The following ABCA8 variants were observed in gnomAD, a reference collection of about 807,000 sequenced individuals.
ABCA8 encodes ABC-type organic anion transporter ABCA8.
ABCA8 carries 177 observed loss-of-function variants against 192.3 expected under a neutral mutation model. That is an observed-to-expected ratio of 0.92 (90% CI 0.81 to 1.04). The LOEUF is 1.04. Ranked by LOEUF, ABCA8 falls within the 50% of genes least tolerant of loss-of-function variation. ABCA8 has a pLI of 0.00. For synonymous variants in ABCA8, 642 were observed against 690.2 expected (o/e 0.93, Z 1.09); for missense variants, 1,915 against 1,904.8 (o/e 1.01, Z -0.10).
intron 13 of ABCA8, 35 bp from the exon 14 acceptor site, chr17:68,919,511 C>G: frequency 6.5e-7 from 1 of 1,537,818 alleles, no homozygotes. Flanking sequence ...CAAGATAAGG[C>G]TTAAGATATT....
At position 68,942,630 on chromosome 17, in the gene ABCA8, C is replaced by T. The variant is rs912432940; in HGVS notation, c.-5-591G>A. 3.9e-5 allele frequency among the ~76,000 whole-genome samples: 6 copies of T among 152,210 alleles called. No homozygotes were observed. The South Asian group carries it at 1.2e-3, about 32-fold the overall frequency. On this transcript the variant is annotated intron_variant, in intron 2 of 39. Coordinates refer to ENST00000586539, the MANE Select transcript of ABCA8 (RefSeq NM_001288985.2). Reference sequence around the variant, plus strand: ...TCTGTTTCCTTTGGCCGTCCTGTTGCAAAAGGAGTGCACTCTAGTACTGGT... The same window carrying T: ...TCTGTTTCCTTTGGCCGTCCTGTTGTAAAAGGAGTGCACTCTAGTACTGGT...
rs753473636 is a variant in ABCA8, at chr17:68,887,141, C to G, written c.3316-11G>C. The G allele has an allele frequency of 4.5e-6, 7 of 1,560,404 alleles. No individual in the cohort carries two copies. Among genetic ancestry groups the G allele is most frequent in the Non-Finnish European group, 6.1e-6 (7 of 1,144,276 alleles). On this transcript the variant is annotated splice_polypyrimidine_tract_variant and intron_variant, in intron 25 of 39. Transcript: ENST00000586539. ...AACAGCACATGGGATCTAAAATCAA[C>G]AGGAATGTGAAGCTTAGTTAAATAC...
At chr17:68,947,288 T>G (rs898805901) in intron 2 of ABCA8, among the ~76,000 whole-genome samples, 9 of 152,346 alleles carry the variant, frequency 5.9e-5, no homozygotes, top group South Asian at 2.1e-4. Flanking sequence ...TGATGTTTTC[T>G]CTCATGTTTT....
intron 2 of ABCA8, among the ~76,000 whole-genome samples, chr17:68,942,800 C>T (rs1489337073): frequency 1.3e-5 from 2 of 152,096 alleles, no homozygotes; most frequent in African/African-American, 4.8e-5. Context: ...GCTCTCAGTC[C>T]ATCTTTATAG....
intron 37 of ABCA8, among the ~76,000 whole-genome samples, chr17:68,871,463 C>G (rs982481309): frequency 6.6e-6 from 1 of 152,168 alleles, no homozygotes; most frequent in Non-Finnish European, 1.5e-5. Flanking sequence ...GAGGTGATAT[C>G]TTATTGTGGT....
chr17:68,906,255 C>G, intron 18 of ABCA8, 92 bp from the exon 19 acceptor site: 1 of 974,002 alleles, frequency 1.0e-6, no homozygotes. Flanking sequence ...ATCTATGAAA[C>G]TATACTTGTG....
chr17:68,890,407 A>T (rs2066594798), intron 24 of ABCA8, among the ~76,000 whole-genome samples: 1 of 152,230 alleles, frequency 6.6e-6, no homozygotes, highest in Non-Finnish European at 1.5e-5. Flanking sequence ...TCTATTACAG[A>T]GGAATGAGAG....
chr17:68,914,185 A>T (rs1175906125), intron 17 of ABCA8, among the ~76,000 whole-genome samples: 1 of 152,166 alleles, frequency 6.6e-6, no homozygotes, highest in Non-Finnish European at 1.5e-5. Context: ...GCAAACCTAC[A>T]GATAGTATCA....
chr17:68,877,948 A>G, intron 32 of ABCA8: 1 of 343,962 alleles, frequency 2.9e-6, no homozygotes, highest in Non-Finnish European at 5.2e-6. Flanking sequence ...AACAGTTTAT[A>G]TCCATTTTTT....
At position 68,887,921 on chromosome 17, in the gene ABCA8, T is replaced by TGG. The variant is rs377680815; in HGVS notation, c.3145-416_3145-415insCC. Among the ~76,000 whole-genome samples the TGG allele has an allele frequency of 2.2e-3, 57 of 25,858 alleles. 2 individuals are homozygous for TGG. Among genetic ancestry groups the TGG allele is most frequent in the East Asian group, 0.014 (1 of 74 alleles). The allele number at this position is 25,858 out of a possible 152,430, so 17.0% of individuals were successfully genotyped here. ...ATATATATATATCCATATATATATA[T>TGG]ATATTATATATGGATATATATATTA... On this transcript the variant is annotated intron_variant, in intron 24 of 39. Coordinates refer to ENST00000586539, the MANE Select transcript of ABCA8 (RefSeq NM_001288985.2).
At position 68,921,371 on chromosome 17, in the gene ABCA8, C is replaced by T. The variant is rs2067528869; in HGVS notation, c.1612+11G>A. The T allele has an allele frequency of 6.4e-7, 1 of 1,573,766 alleles. No individual in the cohort carries two copies. Among genetic ancestry groups the T allele is most frequent in the Non-Finnish European group, 8.6e-7 (1 of 1,157,622 alleles). ...ATAATTTAAAAAAAAAGAAAACAAA[C>T]TAGTTTGTACCTTTGGTGGGAACAG... On this transcript the variant is annotated intron_variant, in intron 13 of 39. Transcript: ENST00000586539.
At position 68,933,187 on chromosome 17, in the gene ABCA8, A is replaced by G. The variant is rs752314845; in HGVS notation, c.551T>C (p.Ile184Thr). The part of the protein sequence containing the change: ...KEGFVALQAA[I>T]NAAIIEITTN... Reference sequence around the variant, plus strand: ...ACTCACTTCTATAATAGCAGCATTAATGGCAGCTTGAAGAGCCACAAAACC... The same window carrying G: ...ACTCACTTCTATAATAGCAGCATTAGTGGCAGCTTGAAGAGCCACAAAACC... Residue 184 changes from isoleucine (I) to threonine (T), a missense_variant, in exon 6 of 40, where the codon ATT becomes ACT. Coordinates refer to ENST00000586539, the MANE Select transcript of ABCA8 (RefSeq NM_001288985.2). The G allele has an allele frequency of 1.2e-6, 2 of 1,611,846 alleles. No homozygotes were observed. Among genetic ancestry groups the G allele is most frequent in the South Asian group, 2.2e-5 (2 of 90,972 alleles).
At chr17:68,868,387 A>C (rs1252498454) in intron 38 of ABCA8, 31 bp from the exon 39 acceptor site, 5 of 1,563,298 alleles carry the variant, frequency 3.2e-6, no homozygotes, top group Non-Finnish European at 8.8e-7. Flanking sequence ...ATTAGTTCAT[A>C]TATTTCATAT....
At chr17:68,894,398 G>T in intron 22 of ABCA8, 88 bp from the exon 23 acceptor site, 2 of 1,205,600 alleles carry the variant, frequency 1.7e-6, no homozygotes, top group Non-Finnish European at 2.3e-6. Flanking sequence ...AAATTAAGAG[G>T]TTATGTTTTT....
chr17:68,903,219 T>C, intron 20 of ABCA8, 82 bp downstream of exon 20: 1 of 1,451,922 alleles, frequency 6.9e-7, no homozygotes. Flanking sequence ...ATCTTTGTGT[T>C]TTTTTGCTTG....
chr17:68,917,021 G>A (rs959244373), intron 17 of ABCA8, among the ~76,000 whole-genome samples: 1 of 152,104 alleles, frequency 6.6e-6, no homozygotes, highest in African/African-American at 2.4e-5. Context: ...TATAATCCCA[G>A]CACTTTGGGA....
Position 68,950,640 on chromosome 17 carries a change from T to C in ABCA8, c.-166-1168A>G, listed in dbSNP as rs190674970. On this transcript the variant is annotated intron_variant, in intron 1 of 39. Coordinates refer to ENST00000586539, the MANE Select transcript of ABCA8 (RefSeq NM_001288985.2). ...CTGTTTCATCATTTTCATTGCTTAC[T>C]ATGTTTTCTAATTTATTAATTTATC... is the stretch of plus-strand genomic sequence containing the variant. 3.9e-4 allele frequency among the ~76,000 whole-genome samples: 59 copies of C among 152,352 alleles called. 1 individual carries two copies. Among genetic ancestry groups the C allele is most frequent in the African/African-American group, 1.4e-3 (57 of 41,576 alleles).
In ABCA8 at chr17:68,877,483, C is replaced by T. The variant is rs540034172; in HGVS notation, c.4199+36G>A. The T allele has an allele frequency of 1.8e-4, 285 of 1,564,318 alleles. 3 individuals are homozygous for T. The South Asian group carries it at 3.1e-3, about 17-fold the overall frequency. On this transcript the variant is annotated intron_variant, in intron 33 of 39. Transcript: ENST00000586539. ...TCACTCTCAACCTCCTCCACCCCTC[C>T]CTTGGGTATAGAACAGATGTGGCTC...
chr17:68,896,298 C>T (rs947901758), intron 21 of ABCA8, among the ~76,000 whole-genome samples: 2 of 152,092 alleles, frequency 1.3e-5, no homozygotes, highest in African/African-American at 4.8e-5. Flanking sequence ...TAAGAAGAGC[C>T]CTTCTGTGGA....
Sources: gnomAD v4.1 joint callset for allele counts (sites outside exome capture counted in the v4.1 genomes callset) on GRCh38, gnomAD v4.1.1 for gene constraint, MANE v1.5 for transcripts, NCBI Gene and HGNC (gene_info 2026-07-23, HGNC 2026-07-21) for gene names.